Variants in IGSF11 observed in about 807,000 individuals in gnomAD.
The protein encoded by IGSF11 is immunoglobulin superfamily member 11, also known as CXADR like 1.
A neutral mutation model predicts 41.0 loss-of-function variants in IGSF11; 22 were observed. That is an observed-to-expected ratio of 0.54 (90% confidence interval 0.38 to 0.77). The LOEUF (loss-of-function observed/expected upper bound fraction) is 0.77, where lower values mean the gene tolerates loss of function less well. IGSF11 is among the 30% of genes least tolerant of loss of function. IGSF11 has a pLI of 0.00. For synonymous variants in IGSF11, 219 were observed against 201.3 expected, an observed-to-expected ratio of 1.09 and a Z score of -0.74; for missense variants, 444 against 530.8, an observed-to-expected ratio of 0.84 and a Z score of 1.61.
rs147062456 is a variant in IGSF11 at position 119,063,298 on chromosome 3, T to C, written c.49+41846A>G. ...TGGAAAGAATTCCCCGAAGACATAA[T>C]TCCTCTACAAAGACTGAGGGTTGGC... On this transcript the variant is annotated intron_variant, in intron 1 of 6. Transcript: ENST00000354673. Among the ~76,000 whole-genome samples the C allele has an allele frequency of 2.9e-4, 44 of 152,294 alleles. No homozygotes were observed. The East Asian group carries it at 7.1e-3, about 25-fold the overall frequency.
At chr3:119,075,026 A>G (rs2076469617) in intron 1 of IGSF11, among the ~76,000 whole-genome samples, 1 of 152,176 alleles carries the variant, frequency 6.6e-6, no homozygotes, top group Non-Finnish European at 1.5e-5. Flanking sequence ...AAACCATACA[A>G]AGGATCAACA....
At chr3:119,090,782 C>T (rs192231861) in intron 1 of IGSF11, among the ~76,000 whole-genome samples, 1 of 152,202 alleles carries the variant, frequency 6.6e-6, no homozygotes, top group Admixed American at 6.5e-5. Flanking sequence ...TATAGAAATC[C>T]TGGAAGACAA....
intron 4 of IGSF11, among the ~76,000 whole-genome samples, chr3:118,924,394 A>T (rs1410743656): frequency 2.0e-5 from 3 of 152,154 alleles, no homozygotes; most frequent in African/African-American, 7.2e-5. Flanking sequence ...AAAAAATCTA[A>T]ATTATTTTGG....
intron 1 of IGSF11, among the ~76,000 whole-genome samples, chr3:119,112,301 G>A (rs1458737184): frequency 6.6e-6 from 1 of 152,154 alleles, no homozygotes; most frequent in African/African-American, 2.4e-5. Context: ...GGCAATGGTG[G>A]GCGCCCCTCC....
chr3:119,109,849 C>A (rs141670481), upstream of IGSF11, among the ~76,000 whole-genome samples: 157 of 152,128 alleles, frequency 1.0e-3, no homozygotes, highest in African/African-American at 3.7e-3. Context: ...CGTTATGTAC[C>A]CAGTAGTCAT....
intron 1 of IGSF11, among the ~76,000 whole-genome samples, chr3:118,997,651 C>T (rs567463694): frequency 2.4e-4 from 36 of 150,624 alleles, no homozygotes; most frequent in Non-Finnish European, 4.7e-4. Context: ...TAGGGTGGTG[C>T]CTAGAAGCCT....
intron 1 of IGSF11, among the ~76,000 whole-genome samples, chr3:119,034,145 G>A (rs1177985594): frequency 6.6e-6 from 1 of 152,332 alleles, no homozygotes; most frequent in Non-Finnish European, 1.5e-5. Flanking sequence ...AGCACTTCTA[G>A]TTTTCCTAGG....
chr3:118,968,942 A>G (rs991861526), intron 1 of IGSF11, among the ~76,000 whole-genome samples: 1 of 152,246 alleles, frequency 6.6e-6, no homozygotes, highest in African/African-American at 2.4e-5. Context: ...AGAATAAAAC[A>G]GATAAAGATA....
At chr3:119,033,907 T>G (rs76469364) in intron 1 of IGSF11, among the ~76,000 whole-genome samples, 1,659 of 152,326 alleles carry the variant, frequency 0.011, 33 homozygotes, top group East Asian at 0.06. Flanking sequence ...AACAAGAAAT[T>G]TAAAGACATT....
chr3:118,977,717 G>T (rs1211931579), intron 1 of IGSF11, among the ~76,000 whole-genome samples: 1 of 152,146 alleles, frequency 6.6e-6, no homozygotes, highest in Non-Finnish European at 1.5e-5. Flanking sequence ...AGCCAGGGGA[G>T]AGCCCTTTGA....
chr3:119,094,223 T>TAAAAAAAAAAAAAAAAAAAAAAAAAAAAA (rs1175348778), intron 1 of IGSF11, among the ~76,000 whole-genome samples: 1 of 35,066 alleles, frequency 2.9e-5, no homozygotes, highest in Non-Finnish European at 5.7e-5. Flanking sequence ...CATAGCGAAG[T>TAAAAAAAAAAAAAAAAAAAAAAAAAAAAA]AAAAAAAAAA....
At chr3:118,910,883 C>T (rs559333017) in intron 4 of IGSF11, among the ~76,000 whole-genome samples, 2 of 152,206 alleles carry the variant, frequency 1.3e-5, no homozygotes, top group African/African-American at 4.8e-5. Context: ...AATCCTTTTC[C>T]CTACAAAGTT....
chr3:119,060,415 T>C (rs1485244270), intron 1 of IGSF11, among the ~76,000 whole-genome samples: 1 of 152,146 alleles, frequency 6.6e-6, no homozygotes, highest in Non-Finnish European at 1.5e-5. Flanking sequence ...TTGCCTCCAA[T>C]CTGATAGCAC....
chr3:119,022,524 T>C (rs1939395419), intron 1 of IGSF11, among the ~76,000 whole-genome samples: 1 of 152,224 alleles, frequency 6.6e-6, no homozygotes, highest in South Asian at 2.1e-4. Context: ...TTGTGAATTA[T>C]ATCTCAATAA....
intron 1 of IGSF11, among the ~76,000 whole-genome samples, chr3:119,128,127 G>A (rs903506641): frequency 6.6e-6 from 1 of 152,180 alleles, no homozygotes; most frequent in Non-Finnish European, 1.5e-5. Flanking sequence ...GGGAGGCCAA[G>A]GCAGGTGAAT....
chr3:118,928,527 T>C lies in IGSF11; in HGVS notation c.406A>G (p.Thr136Ala), dbSNP rs1349170066. 6.2e-7 allele frequency: 1 copy of C among 1,612,710 alleles called. No homozygotes were observed. Among genetic ancestry groups the C allele is most frequent in the Non-Finnish European group, 8.5e-7 (1 of 1,179,824 alleles). The change falls in exon 3 of 7, where the codon ACC (threonine) becomes GCC (alanine). Residue 136 changes from threonine (T) to alanine (A), a missense_variant. This residue lies in a region of IGSF11 where 193 missense variants were observed against 283.5 expected (regional missense o/e 0.68). Transcript: ENST00000393775. ...PDIGGRNIGV[T>A]GLTVLVPPSA... Reference sequence around the variant, plus strand: ...CACTCACCTAACACTGTGAGACCGGTGACCCCAATGTTCCTGCCCCCTATG... The same window carrying C: ...CACTCACCTAACACTGTGAGACCGGCGACCCCAATGTTCCTGCCCCCTATG...
intron 1 of IGSF11, among the ~76,000 whole-genome samples, chr3:118,948,833 A>G (rs367896552): frequency 6.4e-4 from 98 of 152,028 alleles, no homozygotes; most frequent in African/African-American, 2.3e-3. Context: ...ATAGCCGGGC[A>G]TGGTGGTGGG....
At chr3:118,998,347 A>C (rs1275788263) in intron 1 of IGSF11, among the ~76,000 whole-genome samples, 1 of 152,172 alleles carries the variant, frequency 6.6e-6, no homozygotes, top group Non-Finnish European at 1.5e-5. Flanking sequence ...TGTTGAAGTC[A>C]ATAAGGAACA....
At chr3:119,045,870 C>G (rs538835065) in intron 1 of IGSF11, among the ~76,000 whole-genome samples, 10 of 152,094 alleles carry the variant, frequency 6.6e-5, no homozygotes, top group African/African-American at 2.2e-4. Flanking sequence ...GGAGGCACCC[C>G]CCAGCAGGGG....
Sources: allele counts gnomAD v4.1 joint callset (sites outside exome capture counted in the v4.1 genomes callset), GRCh38; gene constraint gnomAD v4.1.1; regional missense constraint gnomAD v4.1.1; transcripts MANE v1.5; gene names NCBI Gene and HGNC (gene_info 2026-07-23, HGNC 2026-07-21).